Variants in RLIM observed in about 807,000 individuals in gnomAD.
The protein encoded by RLIM is E3 ubiquitin-protein ligase RLIM.
Under a neutral mutation model 34.0 loss-of-function variants are expected in RLIM, and 2 were observed. The ratio of observed to expected loss-of-function variants is 0.06; its 90% CI spans 0.02 to 0.19. The LOEUF is 0.19. RLIM is among the 10% of genes least tolerant of loss of function. The pLI is 1.00. For missense variants in RLIM, 286 were observed against 479.7 expected, an observed-to-expected ratio of 0.60 and a Z score of 3.77; for synonymous variants, 169 against 164.0, an observed-to-expected ratio of 1.03 and a Z score of -0.23.
Position 74,592,762 on chromosome X carries a change from A to G in RLIM, c.553T>C (p.Ser185Pro), listed in dbSNP as rs1366236296. The G allele has an allele frequency of 8.3e-7, 1 of 1,211,395 alleles. No homozygotes were observed. Among genetic ancestry groups the G allele is most frequent in the Admixed American group, 2.2e-5 (1 of 46,010 alleles). Residue 185 changes from serine to proline, a missense_variant, in exon 4 of 4, where the codon TCT (serine) becomes CCT (proline). By Grantham distance (74) the Ser-to-Pro change is moderately conservative. Transcript: ENST00000332687. Reference sequence around the variant, plus strand: ...CGTTCTGATCTAGATGGCCTTGCAGATGTTGATTCAGATCGTGGGTTTTCC... The same window carrying G: ...CGTTCTGATCTAGATGGCCTTGCAGGTGTTGATTCAGATCGTGGGTTTTCC... ...QVENPRSEST[S>P]ARPSRSERNS...
At chrX:74,594,140 G>A (rs1011815559) in intron 3 of RLIM, among the ~76,000 whole-genome samples, 166 bp downstream of exon 3, 2 of 112,061 alleles carry the variant, frequency 1.8e-5, no homozygotes, top group Non-Finnish European at 3.8e-5. Context: ...GAAAAAAAAT[G>A]CTGACATTCT....
rs770510066 is a variant in RLIM, at chrX:74,592,445, T to G, written c.870A>C (p.Gly290=). Residue 290 remains glycine (G), a synonymous_variant, in exon 4 of 4, where the codon GGA becomes GGC. Transcript: ENST00000332687. ...LLSRGLFAAS[G]TRNASQGAGS... ...CTGCTCCTTGAGAAGCATTTCTTGT[T>G]CCAGAAGCTGCAAAAAGACCTCTAC... 5.8e-6 allele frequency: 7 copies of G among 1,211,941 alleles called. No individual in the cohort carries two copies. In the Admixed American group the frequency reaches 1.5e-4, roughly 26 times the overall value.
In RLIM at chrX:74,585,916, T is replaced by C. The variant is rs1931339837; in HGVS notation, c.*5524A>G. The C allele has an allele frequency of 8.9e-6, 1 of 112,199 alleles. No individual in the cohort carries two copies. Among genetic ancestry groups the C allele is most frequent in the African/African-American group, 3.2e-5 (1 of 30,856 alleles). 9.2% of individuals were successfully genotyped at this position (112,199 alleles called of 1,213,427 possible). On this transcript the variant is annotated 3_prime_UTR_variant, in exon 4 of 4. Coordinates refer to ENST00000332687, the MANE Select transcript of RLIM (RefSeq NM_016120.4). ...TTAGTCTTTACAGAACATACATCTA[T>C]GTGCTTTGTGACCAAAGACATAAAG...
At chrX:74,606,530 C>T (rs1458348710) in intron 1 of RLIM, among the ~76,000 whole-genome samples, 2 of 112,115 alleles carry the variant, frequency 1.8e-5, no homozygotes, top group Non-Finnish European at 3.8e-5. Context: ...CTGATTACTG[C>T]TAAATGTAGT....
At chrX:74,611,064 T>G (rs2079708672) in intron 1 of RLIM, among the ~76,000 whole-genome samples, 1 of 111,646 alleles carries the variant, frequency 9.0e-6, no homozygotes, top group Non-Finnish European at 1.9e-5. Flanking sequence ...GAACTTCAAT[T>G]TATTATGTAA....
intron 1 of RLIM, among the ~76,000 whole-genome samples, chrX:74,604,066 G>A (rs965426968): frequency 1.9e-5 from 2 of 105,669 alleles, no homozygotes; most frequent in Non-Finnish European, 3.9e-5. Flanking sequence ...AGTAAGCTGA[G>A]ATCAAGCCAC....
rs2079603259 is a variant in RLIM, at chrX:74,589,475, C to T, written c.*1965G>A. On this transcript the variant is annotated 3_prime_UTR_variant, in exon 4 of 4. Coordinates refer to ENST00000332687, the MANE Select transcript of RLIM (RefSeq NM_016120.4). ...CTTATATTAAAAAAAATAAGTGAAG[C>T]TTTGTTTGGACATTATTTCCTTGCA... 8.9e-6 allele frequency: 1 copy of T among 111,863 alleles called. No homozygotes were observed. The highest frequency in any genetic ancestry group is 1.9e-5 in the Non-Finnish European group (1 of 53,145). 9.2% of individuals were successfully genotyped at this position (111,863 alleles called of 1,213,427 possible). A position where few individuals can be genotyped will look rare whatever the true frequency, so the allele number is the denominator to read the frequency against.
rs1337946390 is a variant in RLIM at position 74,587,138 on chromosome X, T to C, written c.*4302A>G. 1.8e-5 allele frequency: 2 copies of C among 112,170 alleles called. No homozygotes were observed. Among genetic ancestry groups the C allele is most frequent in the African/African-American group, 6.5e-5 (2 of 30,880 alleles). 9.2% of individuals were successfully genotyped at this position (112,170 alleles called of 1,213,427 possible). A position where few individuals can be genotyped will look rare whatever the true frequency, so the allele number is the denominator to read the frequency against. ...AATAAATAAGTGACATACTAGTTCC[T>C]CGGATCTTTTACTTTTTTCCAAATG... On this transcript the variant is annotated 3_prime_UTR_variant, in exon 4 of 4. Transcript: ENST00000332687.
intron 1 of RLIM, among the ~76,000 whole-genome samples, chrX:74,607,388 T>C (rs1413030796): frequency 8.9e-6 from 1 of 112,805 alleles, no homozygotes; most frequent in Non-Finnish European, 1.9e-5. Context: ...GGCAATCCAT[T>C]TTGTTTGCAA....
At chrX:74,609,553 A>G (rs1466904977) in intron 1 of RLIM, among the ~76,000 whole-genome samples, 1 of 108,687 alleles carries the variant, frequency 9.2e-6, no homozygotes, top group African/African-American at 3.3e-5. Context: ...AGTATTATCT[A>G]TACCAATCAG....
chrX:74,591,766 G>A lies in RLIM; in HGVS notation c.1549C>T (p.Pro517Ser). Residue 517 changes from proline (P) to serine (S), a missense_variant, in exon 4 of 4, where the codon CCA (proline) becomes TCA (serine). This residue lies in a region of RLIM where 69 missense variants were observed against 83.5 expected (regional missense o/e 0.83). Transcript: ENST00000332687. ...GARREGRHRA[P>S]VTFDESGSLP... ...GAGCCACTTTCATCAAATGTGACTG[G>A]GGCCCTATGTCGACCCTCTCGCCTG... 8.3e-7 allele frequency: 1 copy of A among 1,211,415 alleles called. No homozygotes were observed.
intron 1 of RLIM, among the ~76,000 whole-genome samples, chrX:74,597,134 C>T (rs141857247): frequency 0.013 from 1,444 of 111,965 alleles, 8 homozygotes; most frequent in Middle Eastern, 0.023. Flanking sequence ...AATGAGGCTT[C>T]AATCAAAGTA....
rs201808223 is a variant in RLIM at position 74,602,630 on chromosome X, G to C, written c.-23-6630C>G. Among the ~76,000 whole-genome samples the C allele has an allele frequency of 9.0e-5, 10 of 111,641 alleles. No individual in the cohort carries two copies. In the East Asian group the frequency reaches 2.3e-3, roughly 25 times the overall value. Reference sequence around the variant, plus strand: ...CGCATGCCTGTAGTCCCAGCTACTCGGGAGGTTGAGGCAGGAGAATGGCAT... The same window carrying C: ...CGCATGCCTGTAGTCCCAGCTACTCCGGAGGTTGAGGCAGGAGAATGGCAT... On this transcript the variant is annotated intron_variant, in intron 1 of 3. Coordinates refer to ENST00000332687, the MANE Select transcript of RLIM (RefSeq NM_016120.4).
chrX:74,609,011 T>G (rs1005158887), intron 1 of RLIM, among the ~76,000 whole-genome samples: 1 of 111,236 alleles, frequency 9.0e-6, no homozygotes, highest in African/African-American at 3.3e-5. Flanking sequence ...CTCTCATTAT[T>G]CCTAAGAAGT....
At chrX:74,611,632 A>G (rs945737204) in intron 1 of RLIM, among the ~76,000 whole-genome samples, 1 of 112,145 alleles carries the variant, frequency 8.9e-6, no homozygotes, top group Non-Finnish European at 1.9e-5. Flanking sequence ...ATAACCTTTA[A>G]GTATTAACAA....
intron 1 of RLIM, among the ~76,000 whole-genome samples, chrX:74,596,522 C>T (rs1291937214): frequency 8.9e-6 from 1 of 112,438 alleles, no homozygotes; most frequent in African/African-American, 3.2e-5. Flanking sequence ...GCTGGGATTA[C>T]AGGCATGAGC....
chrX:74,607,731 C>A (rs920993606), intron 1 of RLIM, among the ~76,000 whole-genome samples: 1 of 112,092 alleles, frequency 8.9e-6, no homozygotes, highest in African/African-American at 3.3e-5. Flanking sequence ...CAAAAAACCA[C>A]ACACCAAAAA....
intron 1 of RLIM, among the ~76,000 whole-genome samples, chrX:74,596,541 C>T (rs1327576939): frequency 8.9e-6 from 1 of 112,241 alleles, no homozygotes; most frequent in Admixed American, 9.5e-5. Context: ...GCCACCGCAC[C>T]CAGCCTCGTG....
intron 3 of RLIM, among the ~76,000 whole-genome samples, chrX:74,594,061 C>A (rs1225708837): frequency 9.0e-6 from 1 of 111,661 alleles, no homozygotes; most frequent in African/African-American, 3.3e-5. Context: ...AACAAACAAA[C>A]AAAATCACAT....
Sources: allele counts gnomAD v4.1 joint callset (sites outside exome capture counted in the v4.1 genomes callset), GRCh38; gene constraint gnomAD v4.1.1; regional missense constraint gnomAD v4.1.1; transcripts MANE v1.5; gene names NCBI Gene and HGNC (gene_info 2026-07-23, HGNC 2026-07-21).